The following PCLO variants were observed in gnomAD, a reference collection of about 807,000 sequenced individuals.
The protein encoded by PCLO is piccolo presynaptic cytomatrix protein.
A neutral mutation model predicts 427.5 loss-of-function variants in PCLO; 82 were observed. The ratio of observed to expected loss-of-function variants is 0.19; its 90% CI spans 0.16 to 0.23. The LOEUF is 0.23. Among genes scored for constraint, PCLO ranks in the 10% least tolerant of loss-of-function variants. PCLO has a pLI of 1.00. For missense variants in PCLO, 6,239 were observed against 6,115.9 expected (o/e 1.02, Z -0.67); for synonymous variants, 2,357 against 2,155.4 (o/e 1.09, Z -2.59).
intron 3 of PCLO, among the ~76,000 whole-genome samples, chr7:83,093,404 T>G (rs1790431463): frequency 6.7e-6 from 1 of 150,146 alleles, no homozygotes; most frequent in South Asian, 2.1e-4. Flanking sequence ...ATTTTGAATC[T>G]ATTACACTTG....
At position 82,954,681 on chromosome 7, in the gene PCLO, A is replaced by G. The variant is rs1421315166; in HGVS notation, c.6272T>C (p.Met2091Thr). Residue 2091 changes from methionine to threonine, a missense_variant, in exon 5 of 25, where the codon ATG (methionine) becomes ACG (threonine). Physicochemically the swap from Met to Thr is moderately conservative, Grantham distance 81 (BLOSUM62 -1). Coordinates refer to ENST00000333891, the MANE Select transcript of PCLO (RefSeq NM_033026.6). ...GTCAAAGTCCATGGTGGACTCTGTCATATCCTCACCAATGGGGGCCTGGGT... is the reference window on the plus strand; with the variant it reads ...GTCAAAGTCCATGGTGGACTCTGTCGTATCCTCACCAATGGGGGCCTGGGT... The part of the protein sequence containing the change: ...SPTQAPIGED[M>T]TESTMDFDRM... 2.5e-6 allele frequency: 4 copies of G among 1,613,808 alleles called. No homozygotes were observed. In the African/African-American group the frequency reaches 4.0e-5, roughly 16 times the overall value.
chr7:83,012,729 A>G (rs554338563), intron 3 of PCLO, among the ~76,000 whole-genome samples: 30 of 151,534 alleles, frequency 2.0e-4, no homozygotes, highest in Admixed American at 3.3e-4. Flanking sequence ...AAAACAGAAC[A>G]CCTTGGTGAC....
Position 82,950,253 on chromosome 7 carries a change from T to G in PCLO, c.10335A>C (p.Val3445=), listed in dbSNP as rs1438080791. 2 of 1,613,368 alleles carry G rather than the reference T, an allele frequency of 1.2e-6. No homozygotes were observed. The highest frequency in any genetic ancestry group is 3.3e-5 in the Admixed American group (2 of 59,894). The change falls in exon 6 of 25, where the codon GTA becomes GTC. Residue 3445 remains valine (V), a synonymous_variant. Transcript: ENST00000333891. ...CTGTGGCATCTTCGTCATCCGTTTG[T>G]ACACCACTGTCCACTATCTTTTTAA... The part of the protein sequence containing the change: ...RSFKKIVDSG[V]QTDDEDATDR...
In PCLO at chr7:82,952,397, T is replaced by C; in HGVS notation, c.8556A>G (p.Pro2852=). The change falls in exon 5 of 25, where the codon CCA becomes CCG. Residue 2852 remains proline, a synonymous_variant. Transcript: ENST00000333891. ...QVFPIAREEA[P]INLSLGTPAH... Reference sequence around the variant, plus strand: ...CTGGAGTACCTAGAGATAAGTTTATTGGTGCTTCTTCCCTAGCTATAGGAA... The same window carrying C: ...CTGGAGTACCTAGAGATAAGTTTATCGGTGCTTCTTCCCTAGCTATAGGAA... The C allele has an allele frequency of 6.2e-7, 1 of 1,613,944 alleles. No individual in the cohort carries two copies. Among genetic ancestry groups the C allele is most frequent in the Non-Finnish European group, 8.5e-7 (1 of 1,179,846 alleles).
chr7:82,902,606 A>G, intron 9 of PCLO, 45 bp downstream of exon 9: 1 of 1,136,326 alleles, frequency 8.8e-7, no homozygotes, highest in Non-Finnish European at 1.3e-6. Flanking sequence ...AAACAAAACA[A>G]AACAAAAAAA....
At chr7:82,820,234 C>G (rs183060262) in intron 20 of PCLO, among the ~76,000 whole-genome samples, 2 of 152,250 alleles carry the variant, frequency 1.3e-5, no homozygotes, top group African/African-American at 4.8e-5. Flanking sequence ...TAGGGCAGCC[C>G]AATCCCATTA....
intron 3 of PCLO, among the ~76,000 whole-genome samples, chr7:83,114,297 G>A (rs1445585230): frequency 6.6e-6 from 1 of 152,108 alleles, no homozygotes; most frequent in Non-Finnish European, 1.5e-5. Flanking sequence ...ATATAAGAGG[G>A]CTGACTGGAG....
intron 5 of PCLO, 21 bp downstream of exon 5, chr7:82,951,835 C>G (rs1339878391): frequency 1.9e-6 from 3 of 1,594,856 alleles, no homozygotes; most frequent in Non-Finnish European, 2.6e-6. Context: ...AAGGAAAGGT[C>G]TGCTGCCACA....
At chr7:82,929,216 G>C (rs1423568079) in intron 6 of PCLO, among the ~76,000 whole-genome samples, 2 of 152,056 alleles carry the variant, frequency 1.3e-5, no homozygotes, top group South Asian at 4.1e-4. Flanking sequence ...AAAAGATTAA[G>C]ATTTAAAATA....
chr7:82,903,078 T>G (rs527562554), intron 8 of PCLO, among the ~76,000 whole-genome samples: 2 of 152,094 alleles, frequency 1.3e-5, no homozygotes, highest in South Asian at 4.1e-4. Context: ...TAGAATGTAT[T>G]TGGAAAATTG....
chr7:83,133,750 C>T lies in PCLO; in HGVS notation c.3300+500G>A, dbSNP rs1584068043. 3.9e-5 allele frequency among the ~76,000 whole-genome samples: 6 copies of T among 152,124 alleles called. No individual in the cohort carries two copies. In the South Asian group the frequency reaches 1.2e-3, roughly 32 times the overall value. On this transcript the variant is annotated intron_variant, in intron 3 of 24. Coordinates refer to ENST00000333891, the MANE Select transcript of PCLO (RefSeq NM_033026.6). Reference sequence around the variant, plus strand: ...ACACAAAGTTCTTAACAGTTTTTAACTGTTCTTAACATAGTAGATTTTATG... The same window carrying T: ...ACACAAAGTTCTTAACAGTTTTTAATTGTTCTTAACATAGTAGATTTTATG...
intron 16 of PCLO, among the ~76,000 whole-genome samples, chr7:82,829,736 A>G (rs376171727): frequency 1.8e-4 from 28 of 152,190 alleles, no homozygotes; most frequent in African/African-American, 6.8e-4. Flanking sequence ...TTCAATTTCT[A>G]CTAATTCCAC....
rs574399340 is a variant in PCLO, at chr7:83,069,178, TG to T, written c.3300+65071del. On this transcript the variant is annotated intron_variant, in intron 3 of 24. Coordinates refer to ENST00000333891, the MANE Select transcript of PCLO (RefSeq NM_033026.6). ...TACATATGTTAATGACAGTTGTCTCTGAATATACATGGCAGATGGGTTCCTG... is the reference window on the plus strand; with the variant it reads ...TACATATGTTAATGACAGTTGTCTCTAATATACATGGCAGATGGGTTCCTG... 3.9e-3 allele frequency among the ~76,000 whole-genome samples: 587 copies of T among 152,308 alleles called. 2 individuals are homozygous for T. The highest frequency in any genetic ancestry group is 6.9e-3 in the Non-Finnish European group (468 of 68,030).
intron 6 of PCLO, among the ~76,000 whole-genome samples, chr7:82,942,409 C>T (rs978677887): frequency 3.3e-5 from 5 of 152,056 alleles, no homozygotes; most frequent in Non-Finnish European, 7.4e-5. Context: ...TGTTAATTTG[C>T]ATATTTTGAA....
At chr7:82,921,240 T>G (rs1213072945) in intron 6 of PCLO, among the ~76,000 whole-genome samples, 1 of 151,876 alleles carries the variant, frequency 6.6e-6, no homozygotes, top group Non-Finnish European at 1.5e-5. Context: ...AAAATTCATA[T>G]GGAACCAAAA....
At chr7:83,156,470 C>T (rs1792304532) in intron 1 of PCLO, 78 bp from the exon 2 acceptor site, 7 of 911,122 alleles carry the variant, frequency 7.7e-6, no homozygotes, top group Admixed American at 2.9e-5. Flanking sequence ...TACAAAAAAC[C>T]TATTGCTTAT....
intron 3 of PCLO, among the ~76,000 whole-genome samples, chr7:83,006,737 T>C (rs1161878607): frequency 2.0e-5 from 3 of 151,436 alleles, no homozygotes; most frequent in Non-Finnish European, 4.4e-5. Context: ...TTCCTACAAG[T>C]TACAAAAAAG....
At chr7:82,820,177 T>C (rs1053441330) in intron 20 of PCLO, among the ~76,000 whole-genome samples, 2 of 152,196 alleles carry the variant, frequency 1.3e-5, no homozygotes, top group African/African-American at 4.8e-5. Flanking sequence ...CTGAGAAGAT[T>C]GCAAAGTAGA....
intron 3 of PCLO, among the ~76,000 whole-genome samples, chr7:83,125,018 G>C (rs914948732): frequency 6.6e-6 from 1 of 152,138 alleles, no homozygotes; most frequent in African/African-American, 2.4e-5. Context: ...GGCCTCCCGA[G>C]GTGCTGGGAT....
Sources: allele counts gnomAD v4.1 joint callset (sites outside exome capture counted in the v4.1 genomes callset), GRCh38; gene constraint gnomAD v4.1.1; transcripts MANE v1.5; gene names NCBI Gene and HGNC (gene_info 2026-07-23, HGNC 2026-07-21).